Variants in HSD17B6 observed in about 807,000 individuals in gnomAD.
The protein encoded by HSD17B6 is hydroxysteroid 17-beta dehydrogenase 6.
A neutral mutation model predicts 26.4 loss-of-function variants in HSD17B6; 16 were observed. The ratio of observed to expected loss-of-function variants is 0.61; its 90% CI spans 0.41 to 0.92. The LOEUF (loss-of-function observed/expected upper bound fraction) is 0.92. Ranked by LOEUF, HSD17B6 falls within the 40% of genes least tolerant of loss-of-function variation. The probability of loss-of-function intolerance (pLI) is 0.00; values close to 1 mark genes in which losing one functional copy is unlikely to be tolerated. For missense variants in HSD17B6, 357 were observed against 386.1 expected (o/e 0.92, Z 0.63); for synonymous variants, 139 against 153.0 (o/e 0.91, Z 0.68).
At chr12:56,764,776 A>G (rs1954286548) in intron 1 of HSD17B6, among the ~76,000 whole-genome samples, 1 of 152,172 alleles carries the variant, frequency 6.6e-6, no homozygotes, top group South Asian at 2.1e-4. Context: ...TCGAAGCCTG[A>G]TTTTGAACCC....
intron 1 of HSD17B6, among the ~76,000 whole-genome samples, chr12:56,770,832 G>C (rs929617670): frequency 5.3e-5 from 8 of 152,144 alleles, no homozygotes; most frequent in African/African-American, 1.9e-4. Flanking sequence ...AAAGTCTCTT[G>C]CCTGGACCAT....
rs1954540606 is a variant in HSD17B6, at chr12:56,774,099, G to C, written c.247G>C (p.Asp83His). Residue 83 changes from aspartate (D) to histidine (H), a missense_variant, in exon 2 of 5, where the codon GAT becomes CAT. Transcript: ENST00000322165. ...TGACAGGCTGGAGACGGTGACCCTG[G>C]ATGTTACCAAGATGGAGAGCATCGC... Reference protein sequence around the residue: ...TSDRLETVTLDVTKMESIAAA... With the variant: ...TSDRLETVTLHVTKMESIAAA... The C allele has an allele frequency of 6.2e-7, 1 of 1,611,608 alleles. No individual in the cohort carries two copies. Among genetic ancestry groups the C allele is most frequent in the Non-Finnish European group, 8.5e-7 (1 of 1,178,376 alleles).
intron 3 of HSD17B6, among the ~76,000 whole-genome samples, chr12:56,783,359 A>C (rs868463520): frequency 2.2e-5 from 2 of 90,856 alleles, no homozygotes; most frequent in Non-Finnish European, 4.4e-5. Context: ...CTGGCCGGGC[A>C]GGGGGCTGAG....
At chr12:56,783,601 C>A (rs1312099068) in intron 3 of HSD17B6, among the ~76,000 whole-genome samples, 58 of 142,498 alleles carry the variant, frequency 4.1e-4, no homozygotes, top group Admixed American at 1.4e-3. Flanking sequence ...CTGACCCCCC[C>A]ACCTCCCTCC....
At chr12:56,773,273 C>G (rs1954516959) in intron 1 of HSD17B6, among the ~76,000 whole-genome samples, 1 of 152,208 alleles carries the variant, frequency 6.6e-6, no homozygotes, top group Non-Finnish European at 1.5e-5. Context: ...CCACCTGACT[C>G]TAGTAGCATA....
chr12:56,765,379 T>G (rs921541462), intron 1 of HSD17B6, among the ~76,000 whole-genome samples: 1 of 151,974 alleles, frequency 6.6e-6, no homozygotes, highest in African/African-American at 2.4e-5. Flanking sequence ...GAGGTTGCAG[T>G]GAGCTGAGAT....
intron 2 of HSD17B6, among the ~76,000 whole-genome samples, chr12:56,775,445 G>A (rs1234086388): frequency 2.0e-5 from 3 of 152,032 alleles, no homozygotes; most frequent in East Asian, 3.9e-4. Flanking sequence ...AGGCTAAGAT[G>A]TTCTTAAGAA....
intron 4 of HSD17B6, chr12:56,786,067 G>A (rs1954866467): frequency 4.6e-6 from 2 of 431,652 alleles, no homozygotes; most frequent in Admixed American, 1.3e-4. Flanking sequence ...AGATTGTGAT[G>A]ATGATTGCAC....
Position 56,787,236 on chromosome 12 carries a change from C to T in HSD17B6, c.848C>T (p.Ala283Val), listed in dbSNP as rs1954897475. The T allele has an allele frequency of 6.2e-7, 1 of 1,614,108 alleles. No individual in the cohort carries two copies. Among genetic ancestry groups the T allele is most frequent in the Non-Finnish European group, 8.5e-7 (1 of 1,179,936 alleles). The change falls in exon 5 of 5, where the codon GCT becomes GTT. Residue 283 changes from alanine to valine, a missense_variant. Transcript: ENST00000322165. ...TSVHPRTRYS[A>V]GWDAKFFFIP... ...GTGCATCCGCGAACTCGATATTCAG[C>T]TGGCTGGGATGCTAAATTTTTCTTC...
chr12:56,784,045 C>T (rs1428009162), intron 3 of HSD17B6, among the ~76,000 whole-genome samples: 7 of 150,490 alleles, frequency 4.7e-5, no homozygotes, highest in Non-Finnish European at 7.4e-5. Flanking sequence ...GACGGGGTGG[C>T]GGGGCAGAGG....
chr12:56,767,832 T>C (rs1283147412), intron 1 of HSD17B6, among the ~76,000 whole-genome samples: 2 of 147,796 alleles, frequency 1.4e-5, no homozygotes, highest in Non-Finnish European at 3.0e-5. Flanking sequence ...TGTGTATATA[T>C]GTGTATATAT....
At chr12:56,776,496 C>T (rs527732477) in intron 2 of HSD17B6, among the ~76,000 whole-genome samples, 45 of 151,778 alleles carry the variant, frequency 3.0e-4, no homozygotes, top group African/African-American at 7.7e-4. Flanking sequence ...CTTTTAGAGA[C>T]GTCATCTCAC....
chr12:56,774,542 T>C (rs549285295), intron 2 of HSD17B6, among the ~76,000 whole-genome samples: 6 of 152,338 alleles, frequency 3.9e-5, no homozygotes, highest in African/African-American at 1.4e-4. Flanking sequence ...TTCAAGTGCA[T>C]TGCATTTATT....
chr12:56,773,464 G>A (rs1261279153), intron 1 of HSD17B6, among the ~76,000 whole-genome samples: 1 of 152,176 alleles, frequency 6.6e-6, no homozygotes, highest in African/African-American at 2.4e-5. Context: ...GTTCTGTGCT[G>A]CTCACGACTC....
chr12:56,784,278 A>G (rs939236105), intron 3 of HSD17B6, among the ~76,000 whole-genome samples: 11 of 152,098 alleles, frequency 7.2e-5, no homozygotes, highest in Admixed American at 1.3e-4. Context: ...ACGGGGTGGC[A>G]GCCGGGCAGA....
At chr12:56,763,441 G>GTGTT (rs1490370153) in intron 1 of HSD17B6, 27 bp downstream of exon 1, 10 of 84,036 alleles carry the variant, frequency 1.2e-4, no homozygotes, top group African/African-American at 6.2e-4. Flanking sequence ...GGGTGGTTGT[G>GTGTT]TGTGTGTGTG....
At chr12:56,778,772 T>C (rs1432113004) in intron 2 of HSD17B6, among the ~76,000 whole-genome samples, 2 of 151,848 alleles carry the variant, frequency 1.3e-5, no homozygotes, top group African/African-American at 4.8e-5. Context: ...CCTACTGGGT[T>C]CACGCCATTC....
intron 4 of HSD17B6, among the ~76,000 whole-genome samples, 158 bp downstream of exon 4, chr12:56,785,174 T>A (rs1954849868): frequency 6.6e-6 from 1 of 152,116 alleles, no homozygotes; most frequent in Admixed American, 6.5e-5. Context: ...AAACTTATAA[T>A]CATGGCAGAA....
At chr12:56,779,023 T>C (rs1360529602) in intron 2 of HSD17B6, among the ~76,000 whole-genome samples, 1 of 152,188 alleles carries the variant, frequency 6.6e-6, no homozygotes, top group African/African-American at 2.4e-5. Context: ...TCTGTGTCTC[T>C]GTATTTTATG....
Sources: gnomAD v4.1 joint callset for allele counts (sites outside exome capture counted in the v4.1 genomes callset) on GRCh38, gnomAD v4.1.1 for gene constraint, MANE v1.5 for transcripts, NCBI Gene and HGNC (gene_info 2026-07-23, HGNC 2026-07-21) for gene names.